The following MGAT4C variants were observed in gnomAD, a reference collection of about 807,000 sequenced individuals.
MGAT4C encodes MGAT4 family member C.
In MGAT4C, 19 loss-of-function variants were observed where a neutral mutation model predicts 40.1. The ratio of observed to expected loss-of-function variants is 0.47; its 90% CI spans 0.33 to 0.70. The LOEUF (loss-of-function observed/expected upper bound fraction) is 0.70, where lower values mean the gene tolerates loss of function less well. MGAT4C is among the 30% of genes least tolerant of loss of function. The probability of loss-of-function intolerance (pLI) is 0.02; values close to 1 mark genes in which losing one functional copy is unlikely to be tolerated. For missense variants in MGAT4C, 491 were observed against 563.2 expected (o/e 0.87, Z 1.30); for synonymous variants, 181 against 187.1 (o/e 0.97, Z 0.27).
intron 3 of MGAT4C, among the ~76,000 whole-genome samples, chr12:86,399,154 T>C (rs569253315): frequency 6.6e-6 from 1 of 151,268 alleles, no homozygotes; most frequent in Non-Finnish European, 1.5e-5. Context: ...GTATTTTTAG[T>C]AGAGACAGGG....
chr12:86,547,212 G>A (rs1056237124), intron 2 of MGAT4C, among the ~76,000 whole-genome samples: 88 of 152,044 alleles, frequency 5.8e-4, no homozygotes, highest in Non-Finnish European at 1.0e-3. Context: ...CTTATGCAAA[G>A]TTTTAGTAAT....
intron 1 of MGAT4C, among the ~76,000 whole-genome samples, chr12:86,099,404 CTTTCTTTCTT>C (rs1337894983): frequency 1.9e-5 from 2 of 104,334 alleles, no homozygotes; most frequent in Non-Finnish European, 4.2e-5. Flanking sequence ...GCAAAAGAAG[CTTTCTTTCTT>C]TTTCTTTTTC....
intron 2 of MGAT4C, among the ~76,000 whole-genome samples, chr12:86,707,127 G>T (rs1950472225): frequency 2.6e-5 from 4 of 152,266 alleles, no homozygotes; most frequent in South Asian, 4.1e-4. Flanking sequence ...GTCTTTATCA[G>T]CAGTGTGAAA....
At chr12:86,533,371 C>G (rs1959015125) in intron 2 of MGAT4C, among the ~76,000 whole-genome samples, 1 of 151,928 alleles carries the variant, frequency 6.6e-6, no homozygotes. Context: ...ATAGCCCATT[C>G]TGTGGAGAAG....
chr12:86,603,358 A>C lies in MGAT4C; in HGVS notation c.-229+123851T>G, dbSNP rs1201110515. Among the ~76,000 whole-genome samples the C allele has an allele frequency of 3.0e-5, 4 of 133,526 alleles. No individual in the cohort carries two copies. The East Asian group carries it at 8.3e-4, about 28-fold the overall frequency. The allele number at this position is 133,526 out of a possible 152,430, so 87.6% of individuals were successfully genotyped here. A position where few individuals can be genotyped will look rare whatever the true frequency, so the allele number is the denominator to read the frequency against. On this transcript the variant is annotated intron_variant, in intron 2 of 7. Transcript: ENST00000548651. Reference sequence around the variant, plus strand: ...AGTATAGTATATAATTATATAGTATAGTATATGCTATATACTATATATACT... The same window carrying C: ...AGTATAGTATATAATTATATAGTATCGTATATGCTATATACTATATATACT...
chr12:86,493,698 T>G (rs537531480), intron 2 of MGAT4C, among the ~76,000 whole-genome samples: 1 of 151,796 alleles, frequency 6.6e-6, no homozygotes, highest in Non-Finnish European at 1.5e-5. Context: ...CCTAATGCTA[T>G]ATGACGAGTT....
chr12:86,201,801 G>A (rs1027499208), intron 1 of MGAT4C, among the ~76,000 whole-genome samples: 2 of 151,816 alleles, frequency 1.3e-5, no homozygotes, highest in African/African-American at 4.8e-5. Flanking sequence ...TATTTGTCTT[G>A]CCATAGACCT....
intron 1 of MGAT4C, among the ~76,000 whole-genome samples, chr12:86,225,638 A>C (rs1302062789): frequency 6.6e-6 from 1 of 152,154 alleles, no homozygotes; most frequent in East Asian, 1.9e-4. Flanking sequence ...AGGGTGGTTC[A>C]ACATGAAAAC....
chr12:86,737,300 A>T (rs925877425), intron 1 of MGAT4C, among the ~76,000 whole-genome samples: 1 of 150,726 alleles, frequency 6.6e-6, no homozygotes, highest in Non-Finnish European at 1.5e-5. Flanking sequence ...TTGGCCTATC[A>T]GAAGCAATTG....
In MGAT4C at chr12:85,958,722, G is replaced by A. The variant is rs1882951484; in HGVS notation, c.*20567C>T. 2 of 151,806 alleles carry A rather than the reference G, an allele frequency of 1.3e-5. No individual in the cohort carries two copies. Among genetic ancestry groups the A allele is most frequent in the Non-Finnish European group, 1.5e-5 (1 of 67,930 alleles). 9.4% of individuals were successfully genotyped at this position (151,806 alleles called of 1,614,324 possible). ...TAAAGTTTAATTTTTATTATTAAAA[G>A]GGTATGATTATTTTTACTAAAATTA... On this transcript the variant is annotated 3_prime_UTR_variant, in exon 5 of 5. Transcript: ENST00000611864.
At chr12:86,189,074 A>G (rs143744789) in intron 1 of MGAT4C, among the ~76,000 whole-genome samples, 3 of 151,848 alleles carry the variant, frequency 2.0e-5, no homozygotes, top group African/African-American at 7.2e-5. Flanking sequence ...GATTATTTTA[A>G]TTTTTTCCCT....
chr12:86,385,232 C>T (rs141713873), intron 3 of MGAT4C, among the ~76,000 whole-genome samples: 110 of 152,060 alleles, frequency 7.2e-4, no homozygotes, highest in Middle Eastern at 3.4e-3. Context: ...CAAATTAAAA[C>T]AAGAATAAGA....
intron 3 of MGAT4C, among the ~76,000 whole-genome samples, chr12:86,342,596 G>A (rs1003615038): frequency 2.6e-5 from 4 of 151,974 alleles, no homozygotes; most frequent in African/African-American, 4.8e-5. Flanking sequence ...TCATCACCAC[G>A]CCCGGCTAAT....
chr12:86,364,800 G>A (rs1204626753), intron 3 of MGAT4C, among the ~76,000 whole-genome samples: 2 of 152,170 alleles, frequency 1.3e-5, no homozygotes, highest in African/African-American at 4.8e-5. Context: ...GGGAGGGGGT[G>A]TATGAATAGG....
At position 86,376,682 on chromosome 12, in the gene MGAT4C, T is replaced by C. The variant is rs1955828076; in HGVS notation, c.-119-42555A>G. Reference sequence around the variant, plus strand: ...CATAAGTATTTAACAAAAATCATCATTAACTCAATAGGAAAAATATAAATA... The same window carrying C: ...CATAAGTATTTAACAAAAATCATCACTAACTCAATAGGAAAAATATAAATA... On this transcript the variant is annotated intron_variant, in intron 3 of 7. Coordinates refer to the MGAT4C transcript ENST00000548651. 2.6e-5 allele frequency among the ~76,000 whole-genome samples: 4 copies of C among 151,958 alleles called. No homozygotes were observed. The South Asian group carries it at 8.3e-4, about 31-fold the overall frequency.
chr12:86,148,576 C>T (rs1047452108), intron 1 of MGAT4C, among the ~76,000 whole-genome samples: 1 of 152,212 alleles, frequency 6.6e-6, no homozygotes, highest in African/African-American at 2.4e-5. Context: ...AAAAAATCTG[C>T]ATCCTACCAA....
intron 1 of MGAT4C, among the ~76,000 whole-genome samples, chr12:86,793,935 G>A (rs1162008720): frequency 6.6e-6 from 1 of 151,762 alleles, no homozygotes; most frequent in Admixed American, 6.6e-5. Flanking sequence ...TAAAAAATGT[G>A]AACAAATAAA....
intron 2 of MGAT4C, among the ~76,000 whole-genome samples, chr12:86,671,143 T>G (rs771485573): frequency 1.3e-5 from 2 of 152,234 alleles, no homozygotes; most frequent in Non-Finnish European, 2.9e-5. Flanking sequence ...GGACAAAGAT[T>G]TATTTAATGA....
rs971810948 is a variant in MGAT4C, at chr12:86,209,226, G to C, written c.-57+47013C>G. ...AGCTTTTCCATTATTTTTCTCTGAA[G>C]GTAGATAGCACTTAATGGTATTTGC... is the stretch of plus-strand genomic sequence containing the variant. On this transcript the variant is annotated intron_variant, in intron 1 of 4. Transcript: ENST00000611864. 1.3e-5 allele frequency among the ~76,000 whole-genome samples: 2 copies of C among 151,710 alleles called. 1 individual carries two copies. Among genetic ancestry groups the C allele is most frequent in the South Asian group, 4.2e-4 (2 of 4,808 alleles).
Sources: gnomAD v4.1 joint callset for allele counts (sites outside exome capture counted in the v4.1 genomes callset) on GRCh38, gnomAD v4.1.1 for gene constraint, MANE v1.5 for transcripts, NCBI Gene and HGNC (gene_info 2026-07-23, HGNC 2026-07-21) for gene names.